PRL: variants seen among roughly 807,000 people sequenced by gnomAD.
PRL encodes the protein prolactin.
In PRL, 24 loss-of-function variants were observed where a neutral mutation model predicts 21.3. The observed-to-expected ratio is 1.13, with a 90% confidence interval of 0.82 to 1.59. The LOEUF (loss-of-function observed/expected upper bound fraction) is 1.59. Ranked by LOEUF, PRL falls within the 40% of genes most tolerant of loss-of-function variation. The pLI is 0.00. For missense variants in PRL, 243 were observed against 286.9 expected, an observed-to-expected ratio of 0.85 and a Z score of 1.10; for synonymous variants, 118 against 115.7, an observed-to-expected ratio of 1.02 and a Z score of -0.13.
At chr6:22,295,186 C>A (rs1403131150) in intron 1 of PRL, among the ~76,000 whole-genome samples, 3 of 115,892 alleles carry the variant, frequency 2.6e-5, no homozygotes, top group Non-Finnish European at 5.5e-5. Flanking sequence ...TTTGACACTT[C>A]GCCAAAAACA....
intron 1 of PRL, among the ~76,000 whole-genome samples, chr6:22,296,467 C>A (rs891894092): frequency 2.0e-5 from 3 of 152,164 alleles, no homozygotes; most frequent in African/African-American, 7.2e-5. Flanking sequence ...TCAAGTTGGC[C>A]AATCCACATT....
intron 1 of PRL, 152 bp from the exon 2 acceptor site, chr6:22,294,736 CT>C: frequency 1.3e-6 from 1 of 778,036 alleles, no homozygotes; most frequent in South Asian, 1.9e-5. Context: ...GAACAAACGC[CT>C]TCCACTGTGT....
Position 22,297,017 on chromosome 6 carries a change from A to T in PRL, c.-35T>A, listed in dbSNP as rs749245580. On this transcript the variant is annotated 5_prime_UTR_variant, in exon 1 of 5. Coordinates refer to ENST00000306482, the MANE Select transcript of PRL (RefSeq NM_000948.6). ...CGTTGCAGGAAACACACTTCACCAGAGAAGATCTGGAAGTCTCACGGTTTT... is the reference window on the plus strand; with the variant it reads ...CGTTGCAGGAAACACACTTCACCAGTGAAGATCTGGAAGTCTCACGGTTTT... 6.2e-7 allele frequency: 1 copy of T among 1,612,572 alleles called. No individual in the cohort carries two copies. The highest frequency in any genetic ancestry group is 1.1e-5 in the South Asian group (1 of 90,852).
At position 22,290,282 on chromosome 6, in the gene PRL, C is replaced by G. The variant is rs376254080; in HGVS notation, c.384G>C (p.Thr128=). The G allele has an allele frequency of 1.9e-6, 3 of 1,612,138 alleles. No homozygotes were observed. The highest frequency in any genetic ancestry group is 2.5e-6 in the Non-Finnish European group (3 of 1,178,670). The change falls in exon 4 of 5, where the codon ACG becomes ACC. Residue 128 remains threonine (T), a synonymous_variant. Transcript: ENST00000306482. The part of the protein sequence containing the change: ...SWNEPLYHLV[T]EVRGMQEAPE... The stretch of plus-strand genomic sequence containing the variant: ...GGGCTTCTTGCATACCACGTACTTC[C>G]GTGACCAGATGATACAGAGGCTCAT...
Position 22,294,459 on chromosome 6 carries a change from C to G in PRL, c.154G>C (p.Val52Leu). 1 of 1,614,124 alleles carries G rather than the reference C, an allele frequency of 6.2e-7. No homozygotes were observed. Among genetic ancestry groups the G allele is most frequent in the Non-Finnish European group, 8.5e-7 (1 of 1,180,028 alleles). Reference protein sequence around the residue: ...TLRDLFDRAVVLSHYIHNLSS... With the variant: ...TLRDLFDRAVLLSHYIHNLSS... ...AGGTTATGGATGTAGTGGGACAGGA[C>G]GACGGCGCGGTCAAACAGGTCTCGA... The change falls in exon 2 of 5, where the codon GTC becomes CTC. Residue 52 changes from valine (V) to leucine (L), a missense_variant. Val to Leu is a conservative substitution (Grantham distance 32). Coordinates refer to ENST00000306482, the MANE Select transcript of PRL (RefSeq NM_000948.6).
chr6:22,293,956 T>C (rs1182699257), intron 2 of PRL, among the ~76,000 whole-genome samples: 1 of 152,216 alleles, frequency 6.6e-6, no homozygotes, highest in African/African-American at 2.4e-5. Flanking sequence ...ATTTGTATAT[T>C]TTCCCCACCA....
rs1188108729 is a variant in PRL, at chr6:22,292,642, T to G, written c.208A>C (p.Lys70Gln). ...LSSEMFSEFD[K>Q]RYTHGRGFIT... is the part of the protein sequence containing the mutation. ...AACCCCCGGCCATGGGTATACCGTT[T>G]ATCCTGGAAATGATGAGACAAATTC... The change falls in exon 3 of 5, where the codon AAA becomes CAA. Residue 70 changes from lysine (K) to glutamine (Q), a missense_variant. By Grantham distance (53) the Lys-to-Gln change is moderately conservative. Transcript: ENST00000306482. 6.2e-7 allele frequency: 1 copy of G among 1,612,326 alleles called. No homozygotes were observed. Among genetic ancestry groups the G allele is most frequent in the Admixed American group, 1.7e-5 (1 of 59,744 alleles).
chr6:22,301,162 G>A (rs954385702), upstream of PRL, among the ~76,000 whole-genome samples: 2 of 152,220 alleles, frequency 1.3e-5, no homozygotes, highest in Middle Eastern at 3.2e-3. Flanking sequence ...CTGATGGAAA[G>A]TAGAGCTGAA....
At chr6:22,300,322 C>T (rs1309989632), upstream of PRL, among the ~76,000 whole-genome samples, 1 of 152,188 alleles carries the variant, frequency 6.6e-6, no homozygotes, top group Non-Finnish European at 1.5e-5. Flanking sequence ...CAAACTGCAA[C>T]CTAAATTAAG....
At chr6:22,300,928 A>C (rs1481040604), upstream of PRL, among the ~76,000 whole-genome samples, 1 of 152,246 alleles carries the variant, frequency 6.6e-6, no homozygotes, top group Non-Finnish European at 1.5e-5. Context: ...GCCTTTGTAC[A>C]CATTTTAATG....
intron 2 of PRL, among the ~76,000 whole-genome samples, chr6:22,292,971 C>T (rs1285950425): frequency 6.6e-6 from 1 of 152,164 alleles, no homozygotes; most frequent in Non-Finnish European, 1.5e-5. Flanking sequence ...AAATATGCAA[C>T]ATTAAATGTT....
intron 1 of PRL, among the ~76,000 whole-genome samples, chr6:22,295,299 G>A (rs1433249251): frequency 6.6e-6 from 1 of 152,124 alleles, no homozygotes; most frequent in Non-Finnish European, 1.5e-5. Flanking sequence ...GCTTAGGGAG[G>A]TTAAGTGATT....
In PRL at chr6:22,287,288, A is replaced by T; in HGVS notation, c.*114T>A. The T allele has an allele frequency of 9.2e-7, 1 of 1,087,860 alleles. No individual in the cohort carries two copies. The highest frequency in any genetic ancestry group is 1.3e-6 in the Non-Finnish European group (1 of 796,038). 67.4% of individuals were successfully genotyped at this position (1,087,860 alleles called of 1,614,324 possible). A position where few individuals can be genotyped will look rare whatever the true frequency, so the allele number is the denominator to read the frequency against. On this transcript the variant is annotated 3_prime_UTR_variant, in exon 5 of 5. Coordinates refer to ENST00000306482, the MANE Select transcript of PRL (RefSeq NM_000948.6). Reference sequence around the variant, plus strand: ...TCTAAGGAGTCAGTTTTTATTTTTTAAGAGGAGACCTGTTACACCCAAGCA... The same window carrying T: ...TCTAAGGAGTCAGTTTTTATTTTTTTAGAGGAGACCTGTTACACCCAAGCA...
upstream of PRL, among the ~76,000 whole-genome samples, chr6:22,297,971 T>A (rs1761212301): frequency 6.6e-6 from 1 of 152,182 alleles, no homozygotes; most frequent in South Asian, 2.1e-4. Flanking sequence ...CTTGTAAACA[T>A]CCTGTGGACC....
In PRL at chr6:22,288,258, C is replaced by T. The variant is rs551489394; in HGVS notation, c.493-665G>A. Among the ~76,000 whole-genome samples, 18 of 152,100 alleles carry T rather than the reference C, an allele frequency of 1.2e-4. No homozygotes were observed. The East Asian group carries it at 2.3e-3, about 20-fold the overall frequency. ...GCACCTACAAGGAAAGGGTACAGGC[C>T]GGGTGTGGTGGCTTACACTGGTTCA... On this transcript the variant is annotated intron_variant, in intron 4 of 4. Transcript: ENST00000306482. The surrounding 1 kb of genome is among the most constrained non-coding windows in gnomAD (Gnocchi z 4.5).
chr6:22,300,704 A>C (rs1015958157), upstream of PRL, among the ~76,000 whole-genome samples: 2 of 152,204 alleles, frequency 1.3e-5, no homozygotes, highest in Non-Finnish European at 2.9e-5. Flanking sequence ...GGAGGTCATC[A>C]GTTTCCCTCA....
At chr6:22,290,429 G>C in intron 3 of PRL, 76 bp from the exon 4 acceptor site, 1 of 1,238,558 alleles carries the variant, frequency 8.1e-7, no homozygotes. Context: ...TTTTTGCTTA[G>C]AGAGGCTGTA....
intron 3 of PRL, among the ~76,000 whole-genome samples, chr6:22,292,052 G>C (rs1033810415): frequency 6.6e-6 from 1 of 152,116 alleles, no homozygotes; most frequent in Non-Finnish European, 1.5e-5. Flanking sequence ...TGAAAAAGTG[G>C]GTGTCAGAGT....
At chr6:22,301,762 T>C (rs1486189351), upstream of PRL, among the ~76,000 whole-genome samples, 1 of 152,250 alleles carries the variant, frequency 6.6e-6, no homozygotes, top group Non-Finnish European at 1.5e-5. Context: ...CTTAGTTTTT[T>C]TTTCTTATTT....
Sources: gnomAD v4.1 joint callset for allele counts (sites outside exome capture counted in the v4.1 genomes callset) on GRCh38, gnomAD v4.1.1 for gene constraint, Gnocchi (gnomAD v3.1) non-coding constraint, MANE v1.5 for transcripts, NCBI Gene and HGNC (gene_info 2026-07-23, HGNC 2026-07-21) for gene names.